The following PSD3 variants were observed in gnomAD, a reference collection of about 807,000 sequenced individuals.
The protein encoded by PSD3 is PH and SEC7 domain-containing protein 3.
PSD3 carries 49 observed loss-of-function variants against 105.5 expected under a neutral mutation model. The ratio of observed to expected loss-of-function variants is 0.46; its 90% CI spans 0.37 to 0.59. The LOEUF (loss-of-function observed/expected upper bound fraction) is 0.59. PSD3 is among the 20% of genes least tolerant of loss of function. The pLI, the probability that PSD3 is intolerant of heterozygous loss-of-function variation, is 0.00. For missense variants in PSD3, 1,561 were observed against 1,263.8 expected (o/e 1.24, Z -3.57); for synonymous variants, 557 against 457.8 (o/e 1.22, Z -2.77).
At chr8:18,717,387 A>C (rs770766418) in intron 9 of PSD3, among the ~76,000 whole-genome samples, 4 of 152,312 alleles carry the variant, frequency 2.6e-5, no homozygotes, top group Admixed American at 2.0e-4. Context: ...CTAGTTTAGC[A>C]ACTATTATGC....
At chr8:18,658,050 T>C (rs1324691635) in intron 9 of PSD3, among the ~76,000 whole-genome samples, 1 of 152,220 alleles carries the variant, frequency 6.6e-6, no homozygotes, top group East Asian at 1.9e-4. Flanking sequence ...CAGCCAGATA[T>C]CTCATGAAGA....
At position 18,533,699 on chromosome 8, in the gene PSD3, G is replaced by A. The variant is rs1248803624; in HGVS notation, c.*2044C>T. On this transcript the variant is annotated 3_prime_UTR_variant, in exon 16 of 16. Coordinates refer to ENST00000327040, the MANE Select transcript of PSD3 (RefSeq NM_015310.4). The stretch of plus-strand genomic sequence containing the variant: ...ATGGTCTAGGTACCTCTCTCCCCTC[G>A]GCTTAGTATAAACATTTAGGCAGAA... The A allele has an allele frequency of 2.6e-5, 4 of 152,014 alleles. No individual in the cohort carries two copies. Among genetic ancestry groups the A allele is most frequent in the African/African-American group, 7.3e-5 (3 of 41,356 alleles). 9.4% of individuals were successfully genotyped at this position (152,014 alleles called of 1,614,324 possible).
In PSD3 at chr8:19,042,399, A is replaced by C. The variant is rs116183791; in HGVS notation, c.324+41807T>G. Among the ~76,000 whole-genome samples, 900 of 152,356 alleles carry C rather than the reference A, an allele frequency of 5.9e-3. 15 individuals are homozygous for C. Among genetic ancestry groups the C allele is most frequent in the African/African-American group, 0.02 (851 of 41,590 alleles). On this transcript the variant is annotated intron_variant, in intron 1 of 1. Transcript: ENST00000521475. Reference sequence around the variant, plus strand: ...AAGCAAACTCAGGCACACGTTTCAAACCAAAGTGACAGATACACTAAATCT... The same window carrying C: ...AAGCAAACTCAGGCACACGTTTCAACCCAAAGTGACAGATACACTAAATCT...
intron 2 of PSD3, among the ~76,000 whole-genome samples, chr8:18,891,873 T>C (rs1818802573): frequency 6.6e-6 from 1 of 152,180 alleles, no homozygotes; most frequent in Non-Finnish European, 1.5e-5. Flanking sequence ...GAGAAAAACA[T>C]CCTCACCCTA....
chr8:18,972,498 C>G (rs577674084), intron 1 of PSD3, among the ~76,000 whole-genome samples: 1 of 152,308 alleles, frequency 6.6e-6, no homozygotes, highest in East Asian at 1.9e-4. Flanking sequence ...CACAACAAAA[C>G]AGTACCTCCA....
chr8:19,044,653 G>A (rs1040553259), intron 1 of PSD3, among the ~76,000 whole-genome samples: 4 of 152,126 alleles, frequency 2.6e-5, no homozygotes, highest in African/African-American at 9.7e-5. Context: ...TTGTTTCTAG[G>A]AGTTTGCTGT....
At chr8:18,934,372 C>G (rs1326429036) in intron 2 of PSD3, among the ~76,000 whole-genome samples, 1 of 152,158 alleles carries the variant, frequency 6.6e-6, no homozygotes, top group Admixed American at 6.5e-5. Flanking sequence ...TAACAGCAGC[C>G]AACACTTTTA....
chr8:18,689,252 T>C (rs1349956684), intron 9 of PSD3, among the ~76,000 whole-genome samples: 1 of 151,860 alleles, frequency 6.6e-6, no homozygotes, highest in African/African-American at 2.4e-5. Context: ...GGGTAGGAGG[T>C]AGAGAGAACA....
intron 4 of PSD3, among the ~76,000 whole-genome samples, chr8:18,816,297 C>T (rs1168878585): frequency 1.3e-5 from 2 of 152,128 alleles, no homozygotes; most frequent in South Asian, 2.1e-4. Context: ...TCCATCATTC[C>T]CATTTTACAA....
intron 11 of PSD3, among the ~76,000 whole-genome samples, chr8:18,629,319 A>G (rs983409518): frequency 6.6e-6 from 1 of 152,024 alleles, no homozygotes; most frequent in African/African-American, 2.4e-5. Context: ...TATATTTAGC[A>G]TATGGTGAAG....
At chr8:19,002,890 G>C (rs1004395700) in intron 1 of PSD3, among the ~76,000 whole-genome samples, 6 of 151,910 alleles carry the variant, frequency 3.9e-5, no homozygotes, top group Non-Finnish European at 1.5e-5. Context: ...CACAGTCTAG[G>C]GTACAAGAAA....
chr8:18,640,056 G>C (rs995663506), intron 10 of PSD3, among the ~76,000 whole-genome samples: 3 of 152,088 alleles, frequency 2.0e-5, no homozygotes, highest in African/African-American at 7.2e-5. Flanking sequence ...AAAGGTCTCT[G>C]GAATCCCCAT....
intron 1 of PSD3, among the ~76,000 whole-genome samples, chr8:19,057,843 G>A (rs757416745): frequency 5.9e-5 from 9 of 152,276 alleles, no homozygotes; most frequent in African/African-American, 1.2e-4. Flanking sequence ...GCTGGTGGGC[G>A]TGCAAAATGA....
At chr8:18,745,755 C>G (rs749338865) in intron 9 of PSD3, among the ~76,000 whole-genome samples, 7 of 152,168 alleles carry the variant, frequency 4.6e-5, no homozygotes, top group Admixed American at 4.6e-4. Context: ...TATATACATA[C>G]CCATCATGCA....
chr8:19,002,769 C>T (rs1180943000), intron 1 of PSD3, among the ~76,000 whole-genome samples: 5 of 152,000 alleles, frequency 3.3e-5, no homozygotes, highest in Non-Finnish European at 5.9e-5. Context: ...CATTCTTCCA[C>T]ATATTTTGAT....
chr8:18,674,934 A>G (rs1470294585), intron 9 of PSD3, among the ~76,000 whole-genome samples: 1 of 152,084 alleles, frequency 6.6e-6, no homozygotes, highest in African/African-American at 2.4e-5. Flanking sequence ...CCAGGATTTC[A>G]GGGCTACAGT....
chr8:18,907,654 T>C (rs1051729705), intron 2 of PSD3, among the ~76,000 whole-genome samples: 1 of 152,232 alleles, frequency 6.6e-6, no homozygotes, highest in Admixed American at 6.5e-5. Context: ...TCATATACCA[T>C]ATAATCTAGG....
At chr8:18,539,607 G>C (rs1466165149) in intron 15 of PSD3, among the ~76,000 whole-genome samples, 1 of 150,456 alleles carries the variant, frequency 6.6e-6, no homozygotes, top group African/African-American at 2.5e-5. Context: ...GAGGGCAGTG[G>C]CGCGATCTCG....
intron 12 of PSD3, among the ~76,000 whole-genome samples, chr8:18,599,320 C>T (rs1056801253): frequency 1.3e-5 from 2 of 152,142 alleles, no homozygotes; most frequent in South Asian, 4.1e-4. Context: ...TGGTACATTG[C>T]TTTGGAAAAC....
Sources: gnomAD v4.1 joint callset for allele counts (sites outside exome capture counted in the v4.1 genomes callset) on GRCh38, gnomAD v4.1.1 for gene constraint, MANE v1.5 for transcripts, NCBI Gene and HGNC (gene_info 2026-07-23, HGNC 2026-07-21) for gene names.